TMEM132D: variants seen among roughly 807,000 people sequenced by gnomAD.
The protein encoded by TMEM132D is transmembrane protein 132D, also known as mature OL transmembrane protein.
A neutral mutation model predicts 62.3 loss-of-function variants in TMEM132D; 21 were observed. That is an observed-to-expected ratio of 0.34 (90% confidence interval 0.24 to 0.49). TMEM132D has a LOEUF of 0.49. Ranked by LOEUF, TMEM132D falls within the 20% of genes least tolerant of loss-of-function variation. The pLI is 0.99. For missense variants in TMEM132D, 1,346 were observed against 1,402.8 expected, an observed-to-expected ratio of 0.96 and a Z score of 0.65; for synonymous variants, 621 against 575.6, an observed-to-expected ratio of 1.08 and a Z score of -1.13.
chr12:129,245,198 T>G (rs1352595696), intron 4 of TMEM132D, among the ~76,000 whole-genome samples: 1 of 152,202 alleles, frequency 6.6e-6, no homozygotes, highest in Non-Finnish European at 1.5e-5. Context: ...TAAAAATTTG[T>G]GTTCCACCTA....
chr12:129,524,721 T>G (rs1875960961), intron 3 of TMEM132D, among the ~76,000 whole-genome samples: 3 of 151,514 alleles, frequency 2.0e-5, no homozygotes, highest in Admixed American at 2.0e-4. Context: ...AATATATCTC[T>G]AAAGTGGAAG....
chr12:129,516,382 T>G (rs1279414453), intron 3 of TMEM132D, among the ~76,000 whole-genome samples: 2 of 152,140 alleles, frequency 1.3e-5, no homozygotes, highest in Non-Finnish European at 2.9e-5. Flanking sequence ...ACCCAAGACT[T>G]GGTAATTTAC....
rs759100194 is a variant in TMEM132D, at chr12:129,181,466, A to G, written c.1443+28054T>C. Among the ~76,000 whole-genome samples, 8 of 152,202 alleles carry G rather than the reference A, an allele frequency of 5.3e-5. 1 individual carries two copies. Among genetic ancestry groups the G allele is most frequent in the Non-Finnish European group, 1.2e-4 (8 of 68,034 alleles). ...AGACTTTTCTGAAATGAAACTCTGA[A>G]CATGTCATTCCACTGCTTAAGGACA... On this transcript the variant is annotated intron_variant, in intron 5 of 8. Coordinates refer to ENST00000422113, the MANE Select transcript of TMEM132D (RefSeq NM_133448.3).
chr12:129,513,817 T>TTTA lies in TMEM132D; in HGVS notation c.1115+17239_1115+17241dup, dbSNP rs1382838926. Among the ~76,000 whole-genome samples the TTTA allele has an allele frequency of 5.9e-3, 664 of 112,082 alleles. 4 individuals carry two copies. The highest frequency in any genetic ancestry group is 0.02 in the African/African-American group (567 of 28,062). 73.5% of individuals were successfully genotyped at this position (112,082 alleles called of 152,430 possible). ...ACCAATTTTTATTTTTATTTATTTA[T>TTTA]TTATTTATTTATTTATTTATTTATT... On this transcript the variant is annotated intron_variant, in intron 3 of 8. Coordinates refer to ENST00000422113, the MANE Select transcript of TMEM132D (RefSeq NM_133448.3).
At chr12:129,291,538 C>T (rs959937394) in intron 4 of TMEM132D, among the ~76,000 whole-genome samples, 1 of 152,180 alleles carries the variant, frequency 6.6e-6, no homozygotes, top group Admixed American at 6.5e-5. Context: ...GATGGGTCAA[C>T]TTTCAAGGAA....
chr12:129,405,783 T>C (rs973989118), intron 3 of TMEM132D, among the ~76,000 whole-genome samples: 1 of 152,164 alleles, frequency 6.6e-6, no homozygotes, highest in African/African-American at 2.4e-5. Context: ...CTGCTTCCAT[T>C]GCAACCCCTC....
chr12:129,142,037 G>T (rs1436119240), intron 5 of TMEM132D, among the ~76,000 whole-genome samples: 1 of 148,620 alleles, frequency 6.7e-6, no homozygotes, highest in East Asian at 2.0e-4. Flanking sequence ...TTAAAAAATA[G>T]ACTGATATTG....
At chr12:129,495,001 T>C (rs570624190) in intron 3 of TMEM132D, among the ~76,000 whole-genome samples, 2 of 152,238 alleles carry the variant, frequency 1.3e-5, no homozygotes, top group African/African-American at 2.4e-5. Context: ...ACGCTTGGTG[T>C]TGAGGGAAGC....
intron 3 of TMEM132D, among the ~76,000 whole-genome samples, chr12:129,453,823 T>G: frequency 6.6e-6 from 1 of 152,320 alleles, no homozygotes; most frequent in African/African-American, 2.4e-5. Context: ...CTGCTACTAC[T>G]GTGTGTGCAT....
In TMEM132D at chr12:129,700,535, T is replaced by C; in HGVS notation, c.243A>G (p.Ser81=). Residue 81 remains serine (S), a synonymous_variant, in exon 2 of 9, where the codon TCA becomes TCG. Transcript: ENST00000422113. ...RNSSLQSRVE[S]FLIYKSRRLP... ...GCCTCCTGGATTTGTAAATCAGAAATGACTCCACCCGGGACTGCAGGCTGG... is the reference window on the plus strand; with the variant it reads ...GCCTCCTGGATTTGTAAATCAGAAACGACTCCACCCGGGACTGCAGGCTGG... The C allele has an allele frequency of 6.8e-6, 11 of 1,614,086 alleles. No homozygotes were observed. The highest frequency in any genetic ancestry group is 9.3e-6 in the Non-Finnish European group (11 of 1,180,016).
At chr12:129,189,379 C>T (rs932964049) in intron 5 of TMEM132D, among the ~76,000 whole-genome samples, 1 of 152,068 alleles carries the variant, frequency 6.6e-6, no homozygotes, top group Non-Finnish European at 1.5e-5. Flanking sequence ...TTTCCAATCC[C>T]TGGGAAGTAA....
At chr12:129,785,219 C>T (rs1454085729) in intron 1 of TMEM132D, among the ~76,000 whole-genome samples, 3 of 152,232 alleles carry the variant, frequency 2.0e-5, no homozygotes, top group Admixed American at 2.0e-4. Flanking sequence ...AGCGCCCTGG[C>T]CTTCAGGGAG....
At chr12:129,502,701 CAGAA>C (rs1015859264) in intron 3 of TMEM132D, among the ~76,000 whole-genome samples, 12 of 152,158 alleles carry the variant, frequency 7.9e-5, no homozygotes, top group African/African-American at 2.9e-4. Flanking sequence ...AAAAAAGAAA[CAGAA>C]AGAAAGAAAG....
At chr12:129,307,819 T>C (rs1344174553) in intron 4 of TMEM132D, among the ~76,000 whole-genome samples, 2 of 152,246 alleles carry the variant, frequency 1.3e-5, no homozygotes, top group Admixed American at 1.3e-4. Flanking sequence ...GCTTCCATCC[T>C]GCTTTCTTTC....
At chr12:129,741,004 A>C (rs1208022257) in intron 1 of TMEM132D, among the ~76,000 whole-genome samples, 2 of 152,072 alleles carry the variant, frequency 1.3e-5, no homozygotes, top group African/African-American at 4.8e-5. Context: ...CTTTATGGAG[A>C]GCTTTGGGGA....
In TMEM132D at chr12:129,903,489, T is replaced by C. The variant is rs151060430; in HGVS notation, c.-150A>G. On this transcript the variant is annotated 5_prime_UTR_variant, in exon 1 of 9. Transcript: ENST00000422113. This position sits in a 1 kb window ranked among gnomAD's most constrained non-coding sequence, Gnocchi z 6.2. ...GCAGCCCGGGCGCCCTGCTCCCTCT[T>C]CCCGCCAGTCCATGGCCAGGCCGGG... The C allele has an allele frequency of 5.5e-6, 4 of 724,472 alleles. No homozygotes were observed. 44.9% of individuals were successfully genotyped at this position (724,472 alleles called of 1,614,324 possible).
At chr12:129,545,547 T>C (rs894350297) in intron 2 of TMEM132D, among the ~76,000 whole-genome samples, 1 of 152,210 alleles carries the variant, frequency 6.6e-6, no homozygotes, top group African/African-American at 2.4e-5. Flanking sequence ...CACAGTGCTG[T>C]GCTGTGGATC....
chr12:129,821,061 A>T (rs1483540123), intron 1 of TMEM132D, among the ~76,000 whole-genome samples: 1 of 152,202 alleles, frequency 6.6e-6, no homozygotes, highest in East Asian at 1.9e-4. Context: ...CCATTTTAAC[A>T]ATGGATCTGA....
At chr12:129,361,994 G>T (rs1427826220) in intron 3 of TMEM132D, among the ~76,000 whole-genome samples, 1 of 152,084 alleles carries the variant, frequency 6.6e-6, no homozygotes, top group African/African-American at 2.4e-5. Flanking sequence ...TCACGATCTT[G>T]TTTACTTATT....
Sources: allele counts gnomAD v4.1 joint callset (sites outside exome capture counted in the v4.1 genomes callset), GRCh38; gene constraint gnomAD v4.1.1; non-coding constraint Gnocchi (gnomAD v3.1); transcripts MANE v1.5; gene names NCBI Gene and HGNC (gene_info 2026-07-23, HGNC 2026-07-21).